Variants in LSAMP observed in about 807,000 individuals in gnomAD.
LSAMP encodes the protein limbic system-associated membrane protein.
Under a neutral mutation model 38.6 loss-of-function variants are expected in LSAMP, and 7 were observed. The ratio of observed to expected loss-of-function variants is 0.18; its 90% CI spans 0.10 to 0.34. LSAMP has a LOEUF of 0.34. Among genes scored for constraint, LSAMP ranks in the 10% least tolerant of loss-of-function variants. The pLI, the probability that LSAMP is intolerant of heterozygous loss-of-function variation, is 1.00. For synonymous variants in LSAMP, 154 were observed against 166.8 expected (o/e 0.92, Z 0.59); for missense variants, 313 against 420.0 (o/e 0.75, Z 2.23).
At position 115,830,520 on chromosome 3, in the gene LSAMP, C is replaced by T. The variant is rs950613335; in HGVS notation, c.919+11325G>A. ...TTAAAAAGTGTGGGAGAAAGGTGCA[C>T]GTTTCTTTCTTAGGGTTTTGGGAGT... is the stretch of plus-strand genomic sequence containing the variant. On this transcript the variant is annotated intron_variant, in intron 6 of 6. Transcript: ENST00000490035. 4.6e-5 allele frequency among the ~76,000 whole-genome samples: 7 copies of T among 152,036 alleles called. No individual in the cohort carries two copies. In the East Asian group the frequency reaches 5.8e-4, roughly 13 times the overall value.
intron 3 of LSAMP, among the ~76,000 whole-genome samples, chr3:115,974,016 T>C (rs923503326): frequency 1.3e-5 from 2 of 152,238 alleles, no homozygotes; most frequent in Admixed American, 1.3e-4. Flanking sequence ...AATATAACGC[T>C]GAAGGTATGG....
At chr3:115,851,262 C>T (rs908983214) in intron 4 of LSAMP, among the ~76,000 whole-genome samples, 6 of 152,204 alleles carry the variant, frequency 3.9e-5, no homozygotes, top group African/African-American at 1.4e-4. Context: ...GGGTGAGCCA[C>T]CATACCTGGC....
intron 3 of LSAMP, among the ~76,000 whole-genome samples, chr3:115,909,722 G>A (rs1262663152): frequency 2.6e-5 from 4 of 152,158 alleles, no homozygotes; most frequent in African/African-American, 4.8e-5. Context: ...CAAAGATAAA[G>A]CTTGACGTGT....
chr3:116,409,367 C>A (rs1420659585), intron 1 of LSAMP, among the ~76,000 whole-genome samples: 3 of 151,986 alleles, frequency 2.0e-5, no homozygotes, highest in African/African-American at 7.2e-5. Flanking sequence ...TTTTTCTGAT[C>A]AGTACTGCCA....
chr3:116,389,103 T>G (rs1330785594), intron 1 of LSAMP, among the ~76,000 whole-genome samples: 1 of 152,092 alleles, frequency 6.6e-6, no homozygotes, highest in Admixed American at 6.5e-5. Context: ...GGAAAAAGGT[T>G]TTTAGCAGTC....
At chr3:116,157,528 T>C (rs1053651420) in intron 1 of LSAMP, among the ~76,000 whole-genome samples, 2 of 151,594 alleles carry the variant, frequency 1.3e-5, no homozygotes, top group Admixed American at 6.6e-5. Context: ...CCAAAATACA[T>C]GGCAAAAATA....
chr3:116,421,554 AAG>A (rs752376896), intron 1 of LSAMP, among the ~76,000 whole-genome samples: 19,884 of 118,048 alleles, frequency 0.17, 1,671 homozygotes, highest in African/African-American at 0.29. Flanking sequence ...AAAAAAAAAA[AAG>A]AAGAAGAAGA....
intron 3 of LSAMP, among the ~76,000 whole-genome samples, chr3:115,859,372 A>G (rs1935604480): frequency 6.6e-6 from 1 of 152,216 alleles, no homozygotes; most frequent in Admixed American, 6.5e-5. Context: ...AACAAAAACA[A>G]AAACGGAGAG....
At chr3:115,968,727 C>G (rs1402638627) in intron 3 of LSAMP, among the ~76,000 whole-genome samples, 7 of 152,206 alleles carry the variant, frequency 4.6e-5, no homozygotes, top group African/African-American at 1.7e-4. Context: ...CTCTTGTCTT[C>G]CAAGTTCAGT....
intron 1 of LSAMP, among the ~76,000 whole-genome samples, chr3:116,297,717 T>G (rs1368383573): frequency 6.6e-6 from 1 of 152,176 alleles, no homozygotes. Context: ...ACTAAAAAAT[T>G]GATAAAAGTC....
At position 115,930,002 on chromosome 3, in the gene LSAMP, GTT is replaced by G. The variant is rs1170325465; in HGVS notation, c.515-77387_515-77386del. Reference sequence around the variant, plus strand: ...ATCCAGATCTATAAATTTAGCAGAAGTTTTTTTTTTTTTTTTTTTTTTTTGAC... The same window carrying G: ...ATCCAGATCTATAAATTTAGCAGAAGTTTTTTTTTTTTTTTTTTTTTTGAC... On this transcript the variant is annotated intron_variant, in intron 3 of 6. Transcript: ENST00000490035. 9.4e-3 allele frequency among the ~76,000 whole-genome samples: 753 copies of G among 80,272 alleles called. 11 individuals are homozygous for G. The highest frequency in any genetic ancestry group is 0.033 in the African/African-American group (701 of 21,016). The allele number at this position is 80,272 out of a possible 152,430, so 52.7% of individuals were successfully genotyped here.
At chr3:116,198,173 A>G (rs1486253427) in intron 1 of LSAMP, among the ~76,000 whole-genome samples, 1 of 152,212 alleles carries the variant, frequency 6.6e-6, no homozygotes, top group Non-Finnish European at 1.5e-5. Flanking sequence ...TTCTGTAGGA[A>G]ATCAGATGGG....
At chr3:116,058,717 T>C (rs1205635261) in intron 2 of LSAMP, among the ~76,000 whole-genome samples, 1 of 152,158 alleles carries the variant, frequency 6.6e-6, no homozygotes, top group Admixed American at 6.6e-5. Flanking sequence ...AGTTTGGGTG[T>C]TCAAGTTCAT....
chr3:116,319,667 CTCT>C (rs2047680768), intron 1 of LSAMP, among the ~76,000 whole-genome samples: 1 of 152,154 alleles, frequency 6.6e-6, no homozygotes, highest in South Asian at 2.1e-4. Flanking sequence ...GGATCGGCAC[CTCT>C]CTAAAGGTCA....
chr3:116,348,306 T>G (rs977582118), intron 1 of LSAMP, among the ~76,000 whole-genome samples: 1 of 152,110 alleles, frequency 6.6e-6, no homozygotes, highest in Admixed American at 6.6e-5. Context: ...CAGCTGTAAT[T>G]GCATTCTTGA....
intron 1 of LSAMP, among the ~76,000 whole-genome samples, chr3:116,349,462 T>G (rs1449655829): frequency 6.7e-6 from 1 of 150,290 alleles, no homozygotes; most frequent in East Asian, 1.9e-4. Context: ...GAAAACAGAA[T>G]AATGACCCCC....
At chr3:115,821,735 C>T (rs972271555) in intron 6 of LSAMP, among the ~76,000 whole-genome samples, 4 of 152,060 alleles carry the variant, frequency 2.6e-5, no homozygotes, top group Non-Finnish European at 4.4e-5. Context: ...ATTTTATCCT[C>T]CAGTTCCTGA....
chr3:116,229,527 T>G (rs970570669), intron 1 of LSAMP, among the ~76,000 whole-genome samples: 3 of 152,136 alleles, frequency 2.0e-5, no homozygotes, highest in Non-Finnish European at 4.4e-5. Context: ...ACACTTATAA[T>G]TTGTGTTTAA....
chr3:116,165,908 T>C (rs1710039288), intron 1 of LSAMP, among the ~76,000 whole-genome samples: 1 of 152,232 alleles, frequency 6.6e-6, no homozygotes, highest in African/African-American at 2.4e-5. Context: ...CAGGGTATCC[T>C]GATCCCTTTA....
Sources: allele counts gnomAD v4.1 joint callset (sites outside exome capture counted in the v4.1 genomes callset), GRCh38; gene constraint gnomAD v4.1.1; transcripts MANE v1.5; gene names NCBI Gene and HGNC (gene_info 2026-07-23, HGNC 2026-07-21).